The following CDK19 variants were observed in gnomAD, a reference collection of about 807,000 sequenced individuals.
The protein encoded by CDK19 is cyclin-dependent kinase 19.
A neutral mutation model predicts 68.3 loss-of-function variants in CDK19; 20 were observed. That is an observed-to-expected ratio of 0.29 (90% CI 0.21 to 0.43). The LOEUF is 0.43. Ranked by LOEUF, CDK19 falls within the 20% of genes least tolerant of loss-of-function variation. The probability of loss-of-function intolerance (pLI) is 1.00; values close to 1 mark genes in which losing one functional copy is unlikely to be tolerated. For synonymous variants in CDK19, 221 were observed against 222.8 expected (o/e 0.99, Z 0.07); for missense variants, 339 against 623.5 (o/e 0.54, Z 4.86).
chr6:110,659,665 A>G (rs1781499153), intron 4 of CDK19, among the ~76,000 whole-genome samples: 1 of 152,208 alleles, frequency 6.6e-6, no homozygotes, highest in African/African-American at 2.4e-5. Flanking sequence ...CTGGACCTCA[A>G]TTGAATATAT....
intron 1 of CDK19, among the ~76,000 whole-genome samples, chr6:110,779,979 G>C (rs541185288): frequency 6.6e-6 from 1 of 152,042 alleles, no homozygotes; most frequent in Non-Finnish European, 1.5e-5. Flanking sequence ...CAGCACTTCA[G>C]GAGGCCGAGG....
At chr6:110,700,162 C>T (rs1017124875) in intron 2 of CDK19, among the ~76,000 whole-genome samples, 4 of 152,204 alleles carry the variant, frequency 2.6e-5, no homozygotes, top group Admixed American at 2.6e-4. Context: ...GATGATCTGT[C>T]ACTGTCTCCC....
At chr6:110,720,629 G>A (rs1258270384) in intron 2 of CDK19, among the ~76,000 whole-genome samples, 1 of 152,180 alleles carries the variant, frequency 6.6e-6, no homozygotes, top group Non-Finnish European at 1.5e-5. Flanking sequence ...CACTTTGGGA[G>A]GCCAAGGCAG....
chr6:110,772,186 AAG>A (rs776325727), intron 1 of CDK19, among the ~76,000 whole-genome samples: 2 of 152,280 alleles, frequency 1.3e-5, no homozygotes, highest in African/African-American at 4.8e-5. Context: ...TGGGAAGAAA[AAG>A]AGGTTTAATT....
At chr6:110,724,177 A>C (rs989187524) in intron 2 of CDK19, among the ~76,000 whole-genome samples, 1 of 152,086 alleles carries the variant, frequency 6.6e-6, no homozygotes, top group Non-Finnish European at 1.5e-5. Flanking sequence ...AACACAGAGA[A>C]ACCCTGTCTC....
At chr6:110,716,280 T>C (rs1775383759) in intron 2 of CDK19, among the ~76,000 whole-genome samples, 1 of 152,164 alleles carries the variant, frequency 6.6e-6, no homozygotes, top group African/African-American at 2.4e-5. Context: ...CGTAGCATGA[T>C]ATTACACTGT....
chr6:110,717,082 C>G (rs758227566), intron 2 of CDK19, among the ~76,000 whole-genome samples: 17 of 152,118 alleles, frequency 1.1e-4, no homozygotes, highest in East Asian at 3.8e-4. Context: ...GGGCTGAGAT[C>G]ATGCCACTGC....
chr6:110,769,340 G>A (rs1779828064), intron 1 of CDK19, among the ~76,000 whole-genome samples: 1 of 151,778 alleles, frequency 6.6e-6, no homozygotes, highest in African/African-American at 2.4e-5. Context: ...TGAGGCAGGT[G>A]GATCATCTGA....
chr6:110,814,831 G>A (rs908259897), intron 1 of CDK19, 178 bp downstream of exon 1: 8 of 819,180 alleles, frequency 9.8e-6, no homozygotes, highest in Non-Finnish European at 1.4e-5. Context: ...CGACGGGGCC[G>A]CGCGGGGGAG....
At chr6:110,694,568 C>G (rs1339595541) in intron 2 of CDK19, among the ~76,000 whole-genome samples, 1 of 152,102 alleles carries the variant, frequency 6.6e-6, no homozygotes, top group Non-Finnish European at 1.5e-5. Context: ...AGTGGGGGAC[C>G]TCAATACTCC....
intron 4 of CDK19, among the ~76,000 whole-genome samples, chr6:110,659,382 G>C (rs193252602): frequency 6.6e-6 from 1 of 152,348 alleles, no homozygotes; most frequent in Non-Finnish European, 1.5e-5. Context: ...CTTTCATACA[G>C]AGATATCTTC....
chr6:110,721,720 C>T (rs1775903286), intron 2 of CDK19, among the ~76,000 whole-genome samples: 1 of 152,024 alleles, frequency 6.6e-6, no homozygotes, highest in Admixed American at 6.6e-5. Context: ...AATCCCAGCA[C>T]TTTTGGAGGC....
chr6:110,782,445 C>T (rs889961631), intron 1 of CDK19, among the ~76,000 whole-genome samples: 2 of 152,182 alleles, frequency 1.3e-5, no homozygotes, highest in African/African-American at 4.8e-5. Context: ...AACAGGTCCT[C>T]GTCATTCCTA....
rs2114516972 is a variant in CDK19, at chr6:110,610,197, C to A, written c.*4338G>T. On this transcript the variant is annotated 3_prime_UTR_variant, in exon 13 of 13. Transcript: ENST00000368911. ...GCAGTGGAGCACGAAAAGCTACAGTCATCTCTATAACCATATAAAGGGGGA... is the reference window on the plus strand; with the variant it reads ...GCAGTGGAGCACGAAAAGCTACAGTAATCTCTATAACCATATAAAGGGGGA... The A allele has an allele frequency of 1.3e-5, 2 of 152,428 alleles. No homozygotes were observed. Among genetic ancestry groups the A allele is most frequent in the Middle Eastern group, 6.8e-3 (2 of 294 alleles). 9.4% of individuals were successfully genotyped at this position (152,428 alleles called of 1,614,324 possible).
chr6:110,805,205 C>T (rs574905458), intron 1 of CDK19, among the ~76,000 whole-genome samples: 32 of 152,166 alleles, frequency 2.1e-4, no homozygotes, highest in African/African-American at 7.7e-4. Context: ...CTTTAAATAG[C>T]TTTGTCTGCT....
At chr6:110,804,851 G>C in intron 1 of CDK19, among the ~76,000 whole-genome samples, 1 of 151,564 alleles carries the variant, frequency 6.6e-6, no homozygotes, top group East Asian at 2.0e-4. Context: ...AGCCACTCGG[G>C]AGACTGAGGC....
intron 1 of CDK19, among the ~76,000 whole-genome samples, chr6:110,760,161 C>T (rs984244785): frequency 6.6e-5 from 10 of 151,878 alleles, no homozygotes; most frequent in East Asian, 1.9e-4. Flanking sequence ...TTTGGGAGGC[C>T]GAGGCAGGCA....
At chr6:110,757,594 T>C (rs1375787807) in intron 1 of CDK19, among the ~76,000 whole-genome samples, 1 of 152,178 alleles carries the variant, frequency 6.6e-6, no homozygotes, top group Non-Finnish European at 1.5e-5. Flanking sequence ...CTGTCAAATA[T>C]AGGATAATGG....
chr6:110,812,741 C>G (rs547477643), intron 1 of CDK19, among the ~76,000 whole-genome samples: 1 of 149,774 alleles, frequency 6.7e-6, no homozygotes. Context: ...CTAGAAAGAG[C>G]TAAACTGTAA....
Sources: allele counts gnomAD v4.1 joint callset (sites outside exome capture counted in the v4.1 genomes callset), GRCh38; gene constraint gnomAD v4.1.1; transcripts MANE v1.5; gene names NCBI Gene and HGNC (gene_info 2026-07-23, HGNC 2026-07-21).